PDE11A: variants seen among roughly 807,000 people sequenced by gnomAD.
PDE11A encodes dual 3',5'-cyclic-AMP and -GMP phosphodiesterase 11A.
A neutral mutation model predicts 100.5 loss-of-function variants in PDE11A; 100 were observed. The ratio of observed to expected loss-of-function variants is 1.00; its 90% CI spans 0.85 to 1.18. PDE11A has a LOEUF of 1.18. Ranked by LOEUF, PDE11A falls within the 50% of genes most tolerant of loss-of-function variation. The pLI, the probability that PDE11A is intolerant of heterozygous loss-of-function variation, is 0.00. For missense variants in PDE11A, 1,141 were observed against 1,152.6 expected (o/e 0.99, Z 0.15); for synonymous variants, 381 against 420.8 (o/e 0.91, Z 1.16).
intron 5 of PDE11A, among the ~76,000 whole-genome samples, chr2:177,862,246 G>T (rs1263488370): frequency 1.3e-5 from 2 of 151,708 alleles, no homozygotes; most frequent in East Asian, 3.9e-4. Context: ...AATGATAAAG[G>T]ACCTGAATAG....
At position 177,629,413 on chromosome 2, in the gene PDE11A, C is replaced by G; in HGVS notation, c.2796G>C (p.Arg932Ser). 4 of 1,612,970 alleles carry G rather than the reference C, an allele frequency of 2.5e-6. No homozygotes were observed. The highest frequency in any genetic ancestry group is 1.1e-5 in the South Asian group (1 of 90,990). ...CTGCAGCTGACCTGGAGGTTTAGTT[C>G]CTGTCTTCCTTGGCTACCATAACAC... Reference protein sequence around the residue: ...PASVMVAKEDRN With the variant: ...PASVMVAKEDSN The change falls in exon 20 of 20, where the codon AGG becomes AGC. Residue 932 changes from arginine to serine, a missense_variant. Physicochemically the swap from Arg to Ser is moderately radical, Grantham distance 110. Coordinates refer to ENST00000286063, the MANE Select transcript of PDE11A (RefSeq NM_016953.4).
rs369524521 is a variant in PDE11A at position 177,945,153 on chromosome 2, G to T, written c.1072-39966C>A. ...GGTGCCCAGGCTGGAGTGCAGTGGC[G>T]TGGTCTCGGCTCACTACAACCTACA... On this transcript the variant is annotated intron_variant, in intron 2 of 19. Coordinates refer to ENST00000286063, the MANE Select transcript of PDE11A (RefSeq NM_016953.4). 1.6e-3 allele frequency among the ~76,000 whole-genome samples: 235 copies of T among 151,350 alleles called. 6 individuals are homozygous for T. In the East Asian group the frequency reaches 0.042, roughly 27 times the overall value.
chr2:177,796,712 T>C (rs1235594905), intron 9 of PDE11A, among the ~76,000 whole-genome samples: 1 of 152,124 alleles, frequency 6.6e-6, no homozygotes, highest in East Asian at 1.9e-4. Context: ...TGAATGTCAG[T>C]TTCTTACTTG....
chr2:178,072,628 C>A lies in PDE11A; in HGVS notation c.-191G>T, dbSNP rs1036951096. The A allele has an allele frequency of 2.7e-6, 4 of 1,483,632 alleles. No individual in the cohort carries two copies. The Admixed American group carries it at 6.3e-5, about 23-fold the overall frequency. 91.9% of individuals were successfully genotyped at this position (1,483,632 alleles called of 1,614,324 possible). ...TTCTCTGGCTCAGAGTGGCTGGCGC[C>A]GACCCCACCCCGTGGTCCTGCTACT... On this transcript the variant is annotated 5_prime_UTR_variant, in exon 1 of 20. Transcript: ENST00000286063.
intron 2 of PDE11A, among the ~76,000 whole-genome samples, chr2:177,945,992 A>T (rs1424170237): frequency 7.3e-6 from 1 of 137,502 alleles, no homozygotes; most frequent in Non-Finnish European, 1.6e-5. Flanking sequence ...CACCCCGTCC[A>T]GGAGGGAGAT....
chr2:177,730,490 A>T (rs2081668329), intron 10 of PDE11A, among the ~76,000 whole-genome samples: 3 of 147,694 alleles, frequency 2.0e-5, no homozygotes, highest in African/African-American at 2.5e-5. Flanking sequence ...TCTTTCTTTC[A>T]TTTCTCTTTT....
chr2:177,632,999 G>A (rs1385775209), intron 19 of PDE11A, among the ~76,000 whole-genome samples: 2 of 152,134 alleles, frequency 1.3e-5, no homozygotes, highest in Non-Finnish European at 2.9e-5. Flanking sequence ...TTGCACTAAG[G>A]CCTATAAGGT....
chr2:177,969,061 A>G (rs2085735332), intron 2 of PDE11A, among the ~76,000 whole-genome samples: 1 of 152,152 alleles, frequency 6.6e-6, no homozygotes, highest in Non-Finnish European at 1.5e-5. Context: ...AATGTGACAC[A>G]TATACACCAT....
intron 12 of PDE11A, among the ~76,000 whole-genome samples, chr2:177,726,781 A>C (rs1199373078): frequency 1.3e-5 from 2 of 151,900 alleles, no homozygotes; most frequent in Non-Finnish European, 2.9e-5. Flanking sequence ...CAAAAATATA[A>C]GGTATTTATT....
chr2:177,925,494 T>A (rs2085114083), intron 2 of PDE11A, among the ~76,000 whole-genome samples: 1 of 152,176 alleles, frequency 6.6e-6, no homozygotes, highest in African/African-American at 2.4e-5. Flanking sequence ...TGATGAGCAT[T>A]TTTTCATGTG....
intron 14 of PDE11A, among the ~76,000 whole-genome samples, chr2:177,697,657 A>C (rs993135794): frequency 1.9e-4 from 29 of 152,214 alleles, no homozygotes; most frequent in African/African-American, 7.0e-4. Context: ...TTACATGCTT[A>C]GTCTCAAAGG....
intron 10 of PDE11A, among the ~76,000 whole-genome samples, chr2:177,754,662 G>C (rs892662943): frequency 2.0e-5 from 3 of 152,230 alleles, no homozygotes; most frequent in African/African-American, 7.2e-5. Context: ...AGCATTGGCT[G>C]CATTTTATCT....
chr2:177,658,417 T>C (rs968258428), intron 19 of PDE11A, among the ~76,000 whole-genome samples: 7 of 152,010 alleles, frequency 4.6e-5, no homozygotes, highest in African/African-American at 1.7e-4. Context: ...TTCCTTCCTT[T>C]CTTCCTTCCT....
intron 4 of PDE11A, among the ~76,000 whole-genome samples, chr2:177,880,428 C>T (rs1159339373): frequency 9.9e-5 from 15 of 152,146 alleles, no homozygotes; most frequent in Admixed American, 9.8e-4. Flanking sequence ...TTTCATGCAT[C>T]TTGTCACACA....
chr2:177,926,889 A>G (rs2085132093), intron 2 of PDE11A: 1 of 152,128 alleles, frequency 6.6e-6, no homozygotes, highest in Admixed American at 6.6e-5. Flanking sequence ...ATCCTAATCA[A>G]TGATTACCTG....
chr2:177,872,057 T>C (rs1212078560), intron 5 of PDE11A, among the ~76,000 whole-genome samples: 1 of 152,186 alleles, frequency 6.6e-6, no homozygotes, highest in Non-Finnish European at 1.5e-5. Flanking sequence ...TATTATATTT[T>C]TAACCCACTC....
intron 10 of PDE11A, among the ~76,000 whole-genome samples, chr2:177,749,193 TTTTG>T (rs4019842): frequency 2.8e-4 from 42 of 149,870 alleles, no homozygotes; most frequent in Non-Finnish European, 3.6e-4. Flanking sequence ...AATACAGGAG[TTTTG>T]TTTGTTTGTT....
chr2:177,878,910 C>T (rs1022890579), intron 4 of PDE11A, among the ~76,000 whole-genome samples: 3 of 152,138 alleles, frequency 2.0e-5, no homozygotes, highest in Non-Finnish European at 4.4e-5. Context: ...TTTGAGTAAA[C>T]ACAGACTAAA....
At chr2:178,070,781 A>G (rs1383030878) in intron 1 of PDE11A, among the ~76,000 whole-genome samples, 1 of 151,916 alleles carries the variant, frequency 6.6e-6, no homozygotes, top group Non-Finnish European at 1.5e-5. Flanking sequence ...AATTATCAAT[A>G]TTTGTTGTTT....
Sources: allele counts gnomAD v4.1 joint callset (sites outside exome capture counted in the v4.1 genomes callset), GRCh38; gene constraint gnomAD v4.1.1; transcripts MANE v1.5; gene names NCBI Gene and HGNC (gene_info 2026-07-23, HGNC 2026-07-21).